Variants in SCN8A observed in about 807,000 individuals in gnomAD.
SCN8A encodes sodium voltage-gated channel alpha subunit 8, also known as sodium channel protein type 8 subunit alpha.
In SCN8A, 30 loss-of-function variants were observed where a neutral mutation model predicts 184.1. The ratio of observed to expected loss-of-function variants is 0.16; its 90% CI spans 0.12 to 0.22. The LOEUF is 0.22. Ranked by LOEUF, SCN8A falls within the 10% of genes least tolerant of loss-of-function variation. The pLI is 1.00. For synonymous variants in SCN8A, 852 were observed against 907.0 expected (o/e 0.94, Z 1.09); for missense variants, 1,057 against 2,498.9 (o/e 0.42, Z 12.30).
intron 26 of SCN8A, among the ~76,000 whole-genome samples, chr12:51,804,767 G>A (rs569812176): frequency 2.0e-4 from 30 of 152,242 alleles, no homozygotes; most frequent in Admixed American, 3.9e-4. Flanking sequence ...GAGCCATTGC[G>A]CCCAGCCTGA....
Position 51,762,641 on chromosome 12 carries a change from G to A in SCN8A, c.2509G>A (p.Val837Met), listed in dbSNP as rs2138857855. 2 of 1,605,870 alleles carry A rather than the reference G, an allele frequency of 1.2e-6. No homozygotes were observed. The highest frequency in any genetic ancestry group is 1.7e-6 in the Non-Finnish European group (2 of 1,177,832). The change falls in exon 15 of 27, where the codon GTG becomes ATG. Residue 837 changes from valine to methionine, a missense_variant. This residue lies in a region of SCN8A where 66 missense variants were observed against 310.6 expected (regional missense o/e 0.21). Coordinates refer to ENST00000627620, the MANE Select transcript of SCN8A (RefSeq NM_001330260.2). ...TTTAATGGAACTGAGTCTAGCAGAC[G>A]TGGAGGGGCTTTCAGTGCTGCGATC... ...LSLMELSLAD[V>M]EGLSVLRSFR...
At chr12:51,599,152 TCAA>T (rs1939411571) in intron 1 of SCN8A, among the ~76,000 whole-genome samples, 2 of 152,152 alleles carry the variant, frequency 1.3e-5, no homozygotes. Context: ...ACCACATCAG[TCAA>T]CAAATATTTA....
intron 6 of SCN8A, among the ~76,000 whole-genome samples, chr12:51,693,718 C>A (rs1192134952): frequency 1.3e-5 from 2 of 152,174 alleles, no homozygotes; most frequent in African/African-American, 4.8e-5. Context: ...CAGCACACTA[C>A]TTTACCCCTA....
intron 2 of SCN8A, among the ~76,000 whole-genome samples, chr12:51,670,165 G>A (rs753027015): frequency 1.3e-4 from 20 of 152,286 alleles, no homozygotes; most frequent in African/African-American, 3.4e-4. Flanking sequence ...TGATGGGCAC[G>A]TATGGTCTTG....
At position 51,602,642 on chromosome 12, in the gene SCN8A, C is replaced by A. The variant is rs570716341; in HGVS notation, c.-55+11283C>A. On this transcript the variant is annotated intron_variant, in intron 1 of 26. Transcript: ENST00000627620. ...TACCACAATCAATCAATCAATCAAT[C>A]AATATAAAACAAAAAATAGAGTATG... 7.9e-5 allele frequency among the ~76,000 whole-genome samples: 12 copies of A among 151,848 alleles called. No individual in the cohort carries two copies. The South Asian group carries it at 2.5e-3, about 32-fold the overall frequency.
chr12:51,712,785 A>T, intron 11 of SCN8A: 2 of 1,179,382 alleles, frequency 1.7e-6, no homozygotes, highest in South Asian at 2.4e-5. Flanking sequence ...CATAGTTGCC[A>T]CCGTCACTTC....
chr12:51,623,369 A>G (rs545310169), intron 1 of SCN8A, among the ~76,000 whole-genome samples: 25 of 152,208 alleles, frequency 1.6e-4, no homozygotes, highest in African/African-American at 6.0e-4. Flanking sequence ...AGTACTGCAG[A>G]GTTCATTCTA....
At chr12:51,702,625 TC>T in intron 8 of SCN8A, 147 bp from the exon 9 acceptor site, 2 of 612,770 alleles carry the variant, frequency 3.3e-6, no homozygotes, top group South Asian at 1.2e-4. Flanking sequence ...TTCTTCTTTT[TC>T]TTCTAATTTG....
At chr12:51,691,292 G>C (rs190723849) in intron 6 of SCN8A, among the ~76,000 whole-genome samples, 266 of 152,284 alleles carry the variant, frequency 1.7e-3, no homozygotes, top group Non-Finnish European at 3.0e-3. Context: ...AGCAGATGCT[G>C]TCTCTAGTCT....
At chr12:51,614,171 T>C (rs1205837249) in intron 1 of SCN8A, among the ~76,000 whole-genome samples, 1 of 152,130 alleles carries the variant, frequency 6.6e-6, no homozygotes, top group African/African-American at 2.4e-5. Flanking sequence ...ATTTGTCCAT[T>C]TTATCCTTAG....
At chr12:51,778,564 G>A (rs1291795630) in intron 20 of SCN8A, among the ~76,000 whole-genome samples, 2 of 152,084 alleles carry the variant, frequency 1.3e-5, no homozygotes, top group African/African-American at 4.8e-5. Flanking sequence ...GGCCATACCT[G>A]TTTTTAAATC....
chr12:51,683,967 A>T (rs1343558345), intron 2 of SCN8A, among the ~76,000 whole-genome samples: 1 of 152,232 alleles, frequency 6.6e-6, no homozygotes, highest in African/African-American at 2.4e-5. Context: ...CCAAGATTGC[A>T]TCAGCTATTT....
rs771099156 is a variant in SCN8A, at chr12:51,810,459, C to CAACG, written c.*3032_*3033insCGAA. 4.4e-5 allele frequency: 20 copies of CAACG among 451,306 alleles called. No individual in the cohort carries two copies. Among genetic ancestry groups the CAACG allele is most frequent in the South Asian group, 2.7e-4 (17 of 63,720 alleles). The allele number at this position is 451,306 out of a possible 1,614,324, so 28.0% of individuals were successfully genotyped here. On this transcript the variant is annotated 3_prime_UTR_variant, in exon 27 of 27. Transcript: ENST00000627620. ...GCATCTTCGCTGAGTGGGTAAGTGGCAATGCTTTGCCAAATATTAACGAAG... is the reference window on the plus strand; with the variant it reads ...GCATCTTCGCTGAGTGGGTAAGTGGCAACGAATGCTTTGCCAAATATTAACGAAG...
intron 14 of SCN8A, among the ~76,000 whole-genome samples, chr12:51,761,114 A>G (rs1406448567): frequency 2.0e-5 from 3 of 152,214 alleles, no homozygotes; most frequent in African/African-American, 7.2e-5. Flanking sequence ...ATAATATTCA[A>G]TAAGAGTCTG....
chr12:51,667,791 G>A (rs1437465378), intron 2 of SCN8A, among the ~76,000 whole-genome samples: 1 of 151,846 alleles, frequency 6.6e-6, no homozygotes, highest in East Asian at 1.9e-4. Flanking sequence ...TGTCTTTTTT[G>A]TTTAATGGGT....
At position 51,745,885 on chromosome 12, in the gene SCN8A, C is replaced by G; in HGVS notation, c.1999-18C>G. 8.2e-7 allele frequency: 1 copy of G among 1,226,686 alleles called. No individual in the cohort carries two copies. The highest frequency in any genetic ancestry group is 1.1e-6 in the Non-Finnish European group (1 of 901,490). The allele number at this position is 1,226,686 out of a possible 1,614,324, so 76.0% of individuals were successfully genotyped here. On this transcript the variant is annotated intron_variant, in intron 12 of 26. Coordinates refer to ENST00000627620, the MANE Select transcript of SCN8A (RefSeq NM_001330260.2). ...GACTTAACTCACTCTATTTGCTTTT[C>G]TTTTTTTTTTTTTAAAGGCTACAAC...
At chr12:51,600,492 C>T (rs1286870412) in intron 1 of SCN8A, among the ~76,000 whole-genome samples, 1 of 152,078 alleles carries the variant, frequency 6.6e-6, no homozygotes, top group East Asian at 1.9e-4. Context: ...CCTTATCAGC[C>T]AGTGATGTTG....
intron 14 of SCN8A, among the ~76,000 whole-genome samples, chr12:51,756,220 TG>T: frequency 6.6e-6 from 1 of 152,282 alleles, no homozygotes; most frequent in East Asian, 1.9e-4. Context: ...CATCTGTCTG[TG>T]TGAACACTCC....
Position 51,702,864 on chromosome 12 carries a change from G to A in SCN8A, c.1084G>A (p.Ala362Thr). ...SFDTFSWAFL[A>T]LFRLMTQDYW... The stretch of plus-strand genomic sequence containing the variant: ...TGACACTTTTAGCTGGGCCTTCTTG[G>A]CATTATTTCGCCTTATGACCCAGGA... The change falls in exon 9 of 27, where the codon GCA (alanine) becomes ACA (threonine). Residue 362 changes from alanine (A) to threonine (T), a missense_variant. Coordinates refer to ENST00000627620, the MANE Select transcript of SCN8A (RefSeq NM_001330260.2). 1 of 1,604,294 alleles carries A rather than the reference G, an allele frequency of 6.2e-7. No individual in the cohort carries two copies. The highest frequency in any genetic ancestry group is 8.5e-7 in the Non-Finnish European group (1 of 1,174,868).
Sources: gnomAD v4.1 joint callset for allele counts (sites outside exome capture counted in the v4.1 genomes callset) on GRCh38, gnomAD v4.1.1 for gene constraint, gnomAD v4.1.1 regional missense constraint, MANE v1.5 for transcripts, NCBI Gene and HGNC (gene_info 2026-07-23, HGNC 2026-07-21) for gene names.